Variants in HMGCLL1 observed in about 807,000 individuals in gnomAD.
HMGCLL1 encodes the protein 3-hydroxymethyl-3-methylglutaryl-CoA lyase, cytoplasmic.
HMGCLL1 carries 36 observed loss-of-function variants against 39.1 expected under a neutral mutation model. The ratio of observed to expected loss-of-function variants is 0.92; its 90% CI spans 0.71 to 1.22. The LOEUF (loss-of-function observed/expected upper bound fraction) is 1.22, where lower values mean the gene tolerates loss of function less well. HMGCLL1 is among the 50% of genes most tolerant of loss of function. The probability of loss-of-function intolerance (pLI) is 0.00; values close to 1 mark genes in which losing one functional copy is unlikely to be tolerated. For missense variants in HMGCLL1, 451 were observed against 416.5 expected, an observed-to-expected ratio of 1.08 and a Z score of -0.72; for synonymous variants, 149 against 144.0, an observed-to-expected ratio of 1.03 and a Z score of -0.25.
intron 1 of HMGCLL1, among the ~76,000 whole-genome samples, chr6:55,557,705 C>T (rs1460296690): frequency 1.3e-5 from 2 of 152,066 alleles, no homozygotes; most frequent in East Asian, 3.9e-4. Flanking sequence ...ATTTCTAATC[C>T]TTCTTAAATC....
chr6:55,442,329 A>G (rs989287351), intron 7 of HMGCLL1, among the ~76,000 whole-genome samples: 1 of 152,064 alleles, frequency 6.6e-6, no homozygotes, highest in Non-Finnish European at 1.5e-5. Flanking sequence ...TCTAACATGT[A>G]TTTATATTAG....
intron 7 of HMGCLL1, among the ~76,000 whole-genome samples, chr6:55,446,023 T>G (rs549709552): frequency 6.6e-6 from 1 of 152,034 alleles, no homozygotes; most frequent in East Asian, 1.9e-4. Context: ...CATATTTGTA[T>G]TTTTCCTTTG....
At chr6:55,602,613 C>T in the HMGCLL1 span, among the ~76,000 whole-genome samples, 1 of 151,790 alleles carries the variant, frequency 6.6e-6, no homozygotes, top group East Asian at 1.9e-4. Flanking sequence ...GTAGCAGTGG[C>T]ACTTCGATAT....
chr6:55,582,252 A>G (rs909245063), upstream of HMGCLL1, among the ~76,000 whole-genome samples: 2 of 152,202 alleles, frequency 1.3e-5, no homozygotes, highest in South Asian at 2.1e-4. Flanking sequence ...CTTGTTGCCA[A>G]AATTAAATGA....
At chr6:55,549,044 AT>A (rs1770156581) in intron 1 of HMGCLL1, among the ~76,000 whole-genome samples, 2 of 151,592 alleles carry the variant, frequency 1.3e-5, no homozygotes, top group Non-Finnish European at 2.9e-5. Context: ...TACATTATTT[AT>A]TTTAATAAAT....
chr6:55,608,123 C>T, the HMGCLL1 span, among the ~76,000 whole-genome samples: 2 of 152,118 alleles, frequency 1.3e-5, no homozygotes, highest in Non-Finnish European at 2.9e-5. Flanking sequence ...TCTTGGCATT[C>T]TCACTTCTTA....
At chr6:55,477,362 TA>T (rs1765471399) in intron 7 of HMGCLL1, among the ~76,000 whole-genome samples, 1 of 40,236 alleles carries the variant, frequency 2.5e-5, no homozygotes. Flanking sequence ...TAATATATAT[TA>T]TATTAATATA....
chr6:55,526,501 C>G (rs1479099076), intron 3 of HMGCLL1, among the ~76,000 whole-genome samples: 1 of 151,984 alleles, frequency 6.6e-6, no homozygotes, highest in Non-Finnish European at 1.5e-5. Context: ...AAATACTTTG[C>G]ATGAAATAAG....
chr6:55,490,045 A>T (rs1366056844), intron 7 of HMGCLL1, among the ~76,000 whole-genome samples: 1 of 152,146 alleles, frequency 6.6e-6, no homozygotes, highest in Non-Finnish European at 1.5e-5. Context: ...ATGGAAAGTG[A>T]AAAGCTACCA....
At chr6:55,589,125 T>A in the HMGCLL1 span, among the ~76,000 whole-genome samples, 2 of 152,108 alleles carry the variant, frequency 1.3e-5, no homozygotes, top group African/African-American at 4.8e-5. Flanking sequence ...TAGACAAATA[T>A]CCCTGATGAA....
At chr6:55,471,675 T>C (rs1178975843) in intron 7 of HMGCLL1, among the ~76,000 whole-genome samples, 1 of 151,340 alleles carries the variant, frequency 6.6e-6, no homozygotes, top group African/African-American at 2.4e-5. Context: ...AATTTTTATA[T>C]TTTTTTCTTT....
chr6:55,642,826 G>A, the HMGCLL1 span, among the ~76,000 whole-genome samples: 5 of 151,792 alleles, frequency 3.3e-5, no homozygotes, highest in African/African-American at 7.3e-5. Context: ...ACTGTCTATT[G>A]TTCCCCTCTT....
At chr6:55,532,496 A>G (rs1164946739) in intron 3 of HMGCLL1, among the ~76,000 whole-genome samples, 3 of 152,062 alleles carry the variant, frequency 2.0e-5, no homozygotes, top group Non-Finnish European at 4.4e-5. Context: ...ACCTTAAAAA[A>G]AGTCCAAAGA....
chr6:55,638,276 G>A, the HMGCLL1 span, among the ~76,000 whole-genome samples: 40 of 151,802 alleles, frequency 2.6e-4, no homozygotes, highest in South Asian at 6.4e-3. Flanking sequence ...GTGTGGTGGC[G>A]GGCGCTTGTA....
At chr6:55,593,841 T>C in the HMGCLL1 span, among the ~76,000 whole-genome samples, 3 of 152,160 alleles carry the variant, frequency 2.0e-5, no homozygotes, top group Admixed American at 2.0e-4. Context: ...GTATTTTTAA[T>C]ATCCCGATTT....
At chr6:55,552,306 TA>T (rs1770380535) in intron 1 of HMGCLL1, among the ~76,000 whole-genome samples, 2 of 151,994 alleles carry the variant, frequency 1.3e-5, no homozygotes, top group Non-Finnish European at 2.9e-5. Flanking sequence ...CAGACAATAG[TA>T]ATTCAATATG....
intron 1 of HMGCLL1, among the ~76,000 whole-genome samples, chr6:55,557,672 G>A (rs959059891): frequency 6.6e-6 from 1 of 152,152 alleles, no homozygotes; most frequent in East Asian, 1.9e-4. Context: ...GCAGGCTGGT[G>A]AGGGGTGGTC....
chr6:55,596,986 A>G, the HMGCLL1 span, among the ~76,000 whole-genome samples: 1 of 152,170 alleles, frequency 6.6e-6, no homozygotes, highest in Non-Finnish European at 1.5e-5. Flanking sequence ...TGAAAAATAT[A>G]TTAAAATAAC....
At chr6:55,646,075 G>C in the HMGCLL1 span, among the ~76,000 whole-genome samples, 27 of 151,786 alleles carry the variant, frequency 1.8e-4, no homozygotes, top group African/African-American at 6.5e-4. Context: ...CTCATTATTT[G>C]TTACTGGTCT....
Sources: allele counts gnomAD v4.1 joint callset (sites outside exome capture counted in the v4.1 genomes callset), GRCh38; gene constraint gnomAD v4.1.1; transcripts MANE v1.5; gene names NCBI Gene and HGNC (gene_info 2026-07-23, HGNC 2026-07-21).